VWA8: variants seen among roughly 807,000 people sequenced by gnomAD.
VWA8 encodes the protein von Willebrand factor A domain-containing protein 8.
In VWA8, 221 loss-of-function variants were observed where a neutral mutation model predicts 241.5. The ratio of observed to expected loss-of-function variants is 0.91; its 90% confidence interval spans 0.82 to 1.02. The LOEUF is 1.02. Among genes scored for constraint, VWA8 ranks in the 50% least tolerant of loss-of-function variants. The pLI, the probability that VWA8 is intolerant of heterozygous loss-of-function variation, is 0.00. For synonymous variants in VWA8, 852 were observed against 827.1 expected (o/e 1.03, Z -0.52); for missense variants, 2,322 against 2,328.7 (o/e 1.00, Z 0.06).
chr13:41,948,005 T>G (rs1330605963), intron 2 of VWA8, among the ~76,000 whole-genome samples: 4 of 146,074 alleles, frequency 2.7e-5, no homozygotes, highest in African/African-American at 1.0e-4. Flanking sequence ...AGAGTTACCA[T>G]GTGACCTAGC....
intron 13 of VWA8, 148 bp from the exon 14 acceptor site, chr13:41,830,790 TG>T (rs1871417153): frequency 3.3e-6 from 2 of 610,748 alleles, no homozygotes. Flanking sequence ...AATTTCAAAT[TG>T]GCTACTGCTG....
chr13:41,907,134 C>A (rs1875756979), intron 4 of VWA8, among the ~76,000 whole-genome samples: 1 of 152,006 alleles, frequency 6.6e-6, no homozygotes, highest in Non-Finnish European at 1.5e-5. Context: ...GTAATCTGTA[C>A]CTAAGATACT....
intron 37 of VWA8, among the ~76,000 whole-genome samples, chr13:41,642,553 C>T (rs371412813): frequency 1.1e-4 from 15 of 133,478 alleles, no homozygotes; most frequent in Non-Finnish European, 1.9e-4. Flanking sequence ...TGCGGGATTC[C>T]GTCTCAAACA....
At chr13:41,829,219 A>G (rs1871309248) in intron 14 of VWA8, among the ~76,000 whole-genome samples, 1 of 152,240 alleles carries the variant, frequency 6.6e-6, no homozygotes, top group Non-Finnish European at 1.5e-5. Flanking sequence ...AAGAATGGCC[A>G]TAATTAAAAA....
intron 12 of VWA8, among the ~76,000 whole-genome samples, chr13:41,840,068 C>A (rs1243194240): frequency 1.3e-5 from 2 of 152,108 alleles, no homozygotes; most frequent in East Asian, 3.8e-4. Flanking sequence ...TTGTAGCTCT[C>A]CTTGAAGAGG....
chr13:41,848,569 T>A (rs1342007789), intron 12 of VWA8, among the ~76,000 whole-genome samples: 1 of 152,140 alleles, frequency 6.6e-6, no homozygotes, highest in African/African-American at 2.4e-5. Context: ...GCATCTGGCA[T>A]TTCCCCTGCT....
rs1875642507 is a variant in VWA8 at position 41,905,042 on chromosome 13, TA to T, written c.483+2543del. The T allele has an allele frequency of 2.0e-5, 3 of 152,142 alleles. No individual in the cohort carries two copies. In the South Asian group the frequency reaches 6.2e-4, roughly 31 times the overall value. The allele number at this position is 152,142 out of a possible 1,614,324, so 9.4% of individuals were successfully genotyped here. A position where few individuals can be genotyped will look rare whatever the true frequency, so the allele number is the denominator to read the frequency against. On this transcript the variant is annotated intron_variant, in intron 4 of 44. Coordinates refer to ENST00000379310, the MANE Select transcript of VWA8 (RefSeq NM_015058.2). ...ATTATGTGAATCACTAGGTTTGGAATAAATACCATTAAATTGAGAGTCGAAG... is the reference window on the plus strand; with the variant it reads ...ATTATGTGAATCACTAGGTTTGGAATAATACCATTAAATTGAGAGTCGAAG...
At chr13:41,855,814 A>T (rs768485779) in intron 12 of VWA8, among the ~76,000 whole-genome samples, 3 of 152,148 alleles carry the variant, frequency 2.0e-5, no homozygotes, top group Non-Finnish European at 4.4e-5. Flanking sequence ...AGTAAACGTG[A>T]CTTTAAAAAC....
chr13:41,745,196 T>C (rs2045595982), intron 21 of VWA8, among the ~76,000 whole-genome samples: 1 of 152,134 alleles, frequency 6.6e-6, no homozygotes. Context: ...ATGTGCAGGT[T>C]TGTTACATAT....
intron 2 of VWA8, among the ~76,000 whole-genome samples, chr13:41,927,862 T>C (rs1876923797): frequency 6.6e-6 from 1 of 152,214 alleles, no homozygotes; most frequent in African/African-American, 2.4e-5. Flanking sequence ...AGACCCACTT[T>C]AGCTTTAAGG....
At chr13:41,832,222 C>T (rs1457434847) in intron 13 of VWA8, among the ~76,000 whole-genome samples, 1 of 152,238 alleles carries the variant, frequency 6.6e-6, no homozygotes, top group African/African-American at 2.4e-5. Flanking sequence ...AGCCACTACA[C>T]CTGGCCGGCA....
At chr13:41,953,241 G>T (rs1878214141) in intron 1 of VWA8, among the ~76,000 whole-genome samples, 1 of 152,198 alleles carries the variant, frequency 6.6e-6, no homozygotes, top group African/African-American at 2.4e-5. Context: ...AGAAAGAGAA[G>T]ATTGGAAAAC....
chr13:41,738,161 G>A (rs1179716036), intron 21 of VWA8, among the ~76,000 whole-genome samples: 1 of 152,156 alleles, frequency 6.6e-6, no homozygotes, highest in Non-Finnish European at 1.5e-5. Flanking sequence ...AGTCCTTTTA[G>A]TATGATAAGT....
intron 9 of VWA8, among the ~76,000 whole-genome samples, chr13:41,872,128 C>T (rs1054304205): frequency 3.3e-5 from 5 of 152,072 alleles, no homozygotes; most frequent in Admixed American, 1.3e-4. Context: ...CTGTTCATGT[C>T]CTTCACCCAC....
chr13:41,865,487 G>A (rs1205545221), intron 12 of VWA8: 14 of 393,248 alleles, frequency 3.6e-5, no homozygotes, highest in Non-Finnish European at 5.6e-5. Flanking sequence ...TACCCTTCCA[G>A]GCCTCTGGAA....
chr13:41,671,688 G>A (rs2045025654), intron 36 of VWA8, among the ~76,000 whole-genome samples: 1 of 152,064 alleles, frequency 6.6e-6, no homozygotes, highest in Non-Finnish European at 1.5e-5. Flanking sequence ...GGGCCCTTAT[G>A]AGAAGAGACC....
chr13:41,959,604 T>A (rs1209855237), intron 1 of VWA8, among the ~76,000 whole-genome samples: 7 of 117,224 alleles, frequency 6.0e-5, no homozygotes, highest in Non-Finnish European at 1.0e-4. Flanking sequence ...GACCTAAATA[T>A]GCTTTTTTTT....
At chr13:41,601,137 A>C (rs1467945853) in intron 40 of VWA8, among the ~76,000 whole-genome samples, 1 of 152,086 alleles carries the variant, frequency 6.6e-6, no homozygotes, top group Non-Finnish European at 1.5e-5. Flanking sequence ...GTGTCCCTCA[A>C]GACTCAGCTC....
chr13:41,871,552 G>A (rs927448387), intron 9 of VWA8, among the ~76,000 whole-genome samples: 25 of 151,956 alleles, frequency 1.6e-4, no homozygotes, highest in Non-Finnish European at 2.4e-4. Flanking sequence ...GAGAATATGC[G>A]GTGTTTGGTT....
Sources: gnomAD v4.1 joint callset for allele counts (sites outside exome capture counted in the v4.1 genomes callset) on GRCh38, gnomAD v4.1.1 for gene constraint, MANE v1.5 for transcripts, NCBI Gene and HGNC (gene_info 2026-07-23, HGNC 2026-07-21) for gene names.